Variants in SLCO1B3 observed in about 807,000 individuals in gnomAD.
SLCO1B3 encodes solute carrier organic anion transporter family member 1B3.
SLCO1B3 carries 72 observed loss-of-function variants against 71.8 expected under a neutral mutation model. The ratio of observed to expected loss-of-function variants is 1.00; its 90% confidence interval spans 0.83 to 1.22. The LOEUF (loss-of-function observed/expected upper bound fraction) is 1.22. SLCO1B3 is among the 50% of genes most tolerant of loss of function. SLCO1B3 has a pLI of 0.00. For synonymous variants in SLCO1B3, 298 were observed against 278.4 expected, an observed-to-expected ratio of 1.07 and a Z score of -0.70; for missense variants, 911 against 819.7, an observed-to-expected ratio of 1.11 and a Z score of -1.36.
At chr12:20,857,830 C>T (rs1319635369) in intron 4 of SLCO1B3, among the ~76,000 whole-genome samples, 3 of 152,064 alleles carry the variant, frequency 2.0e-5, no homozygotes, top group African/African-American at 7.2e-5. Flanking sequence ...TTGGTCTACT[C>T]TTATTGCTCT....
chr12:20,824,897 T>A (rs1326488136), intron 3 of SLCO1B3, among the ~76,000 whole-genome samples: 1 of 152,162 alleles, frequency 6.6e-6, no homozygotes, highest in East Asian at 1.9e-4. Context: ...TATGATAATA[T>A]AGGCTCATAG....
intron 15 of SLCO1B3, among the ~76,000 whole-genome samples, chr12:20,914,585 C>A (rs1866454528): frequency 6.6e-6 from 1 of 151,846 alleles, no homozygotes. Flanking sequence ...TTTTATTTAA[C>A]CTTAACTGAT....
chr12:20,856,880 A>C (rs1049170649), intron 4 of SLCO1B3, among the ~76,000 whole-genome samples: 1 of 152,158 alleles, frequency 6.6e-6, no homozygotes, highest in African/African-American at 2.4e-5. Context: ...CTTTTTACCT[A>C]AAGGACTTGA....
In SLCO1B3 at chr12:20,814,406, G is replaced by T. The variant is rs1024644459; in HGVS notation, c.-66+768G>T. Among the ~76,000 whole-genome samples the T allele has an allele frequency of 5.9e-5, 9 of 151,938 alleles. No homozygotes were observed. In the South Asian group the frequency reaches 6.2e-4, roughly 11 times the overall value. The stretch of plus-strand genomic sequence containing the variant: ...AACATTTTCTAATATGAAATAATTA[G>T]ATATAAGCTAAATAGTTAACGATAT... On this transcript the variant is annotated intron_variant, in intron 2 of 15. Coordinates refer to ENST00000381545, the MANE Select transcript of SLCO1B3 (RefSeq NM_019844.4).
At chr12:20,846,331 G>C (rs538127992) in intron 3 of SLCO1B3, among the ~76,000 whole-genome samples, 5 of 152,160 alleles carry the variant, frequency 3.3e-5, no homozygotes, top group African/African-American at 1.2e-4. Context: ...GGATAATTTT[G>C]AACATTGTTA....
At chr12:20,866,381 T>TTC (rs1865373553) in intron 8 of SLCO1B3, among the ~76,000 whole-genome samples, 1 of 152,126 alleles carries the variant, frequency 6.6e-6, no homozygotes, top group East Asian at 1.9e-4. Flanking sequence ...TTTAGTGCAA[T>TTC]AGCTTTTTAT....
At position 20,901,478 on chromosome 12, in the gene SLCO1B3, G is replaced by C; in HGVS notation, c.1865+11G>C. The C allele has an allele frequency of 7.4e-7, 1 of 1,344,386 alleles. No homozygotes were observed. Among genetic ancestry groups the C allele is most frequent in the South Asian group, 1.4e-5 (1 of 73,032 alleles). The allele number at this position is 1,344,386 out of a possible 1,614,324, so 83.3% of individuals were successfully genotyped here. A position where few individuals can be genotyped will look rare whatever the true frequency, so the allele number is the denominator to read the frequency against. Reference sequence around the variant, plus strand: ...TTCCGTATTTTTTGGGTAAGTTGTCGTAAACACATTTCATTAATAGATTTT... The same window carrying C: ...TTCCGTATTTTTTGGGTAAGTTGTCCTAAACACATTTCATTAATAGATTTT... On this transcript the variant is annotated intron_variant, in intron 15 of 15. Transcript: ENST00000381545.
chr12:20,855,943 T>C (rs1865125908), intron 4 of SLCO1B3, among the ~76,000 whole-genome samples: 1 of 152,024 alleles, frequency 6.6e-6, no homozygotes, highest in East Asian at 1.9e-4. Flanking sequence ...TTTTCTACAA[T>C]TCATGTTTCT....
chr12:20,898,400 G>T, intron 13 of SLCO1B3, 36 bp from the exon 14 acceptor site: 1 of 1,336,320 alleles, frequency 7.5e-7, no homozygotes. Flanking sequence ...ATTTTTTAAT[G>T]ACATGTATTA....
chr12:20,875,763 ATATAG>A (rs1387350851), intron 9 of SLCO1B3, among the ~76,000 whole-genome samples: 6 of 152,116 alleles, frequency 3.9e-5, no homozygotes, highest in East Asian at 3.9e-4. Context: ...TTTTAATATA[ATATAG>A]TATAAACTGT....
chr12:20,875,539 G>T, intron 9 of SLCO1B3, 62 bp downstream of exon 9: 1 of 1,501,994 alleles, frequency 6.7e-7, no homozygotes, highest in Non-Finnish European at 9.0e-7. Flanking sequence ...GGAGAAGTGA[G>T]TAAAAAAAAA....
intron 13 of SLCO1B3, among the ~76,000 whole-genome samples, chr12:20,883,835 C>A (rs1034373553): frequency 2.6e-5 from 2 of 78,374 alleles, no homozygotes; most frequent in African/African-American, 5.9e-5. Context: ...TAATAAAAAT[C>A]TTAAGGCACA....
chr12:20,912,968 C>T (rs549306099), intron 15 of SLCO1B3, among the ~76,000 whole-genome samples: 100 of 152,146 alleles, frequency 6.6e-4, no homozygotes, highest in East Asian at 4.1e-3. Context: ...TGAGCCACCA[C>T]GCCTGGCCTT....
chr12:20,827,743 T>C (rs1864455183), intron 3 of SLCO1B3, among the ~76,000 whole-genome samples: 1 of 152,110 alleles, frequency 6.6e-6, no homozygotes, highest in African/African-American at 2.4e-5. Flanking sequence ...ATCTAATTTT[T>C]GTATTTTTGT....
chr12:20,837,708 T>C (rs928189504), intron 3 of SLCO1B3, among the ~76,000 whole-genome samples: 4 of 152,124 alleles, frequency 2.6e-5, no homozygotes, highest in African/African-American at 7.2e-5. Context: ...ATAAATTGGA[T>C]AAGATATATT....
At chr12:20,849,442 A>C (rs1864979157) in intron 3 of SLCO1B3, among the ~76,000 whole-genome samples, 1 of 152,116 alleles carries the variant, frequency 6.6e-6, no homozygotes. Flanking sequence ...TTCAGCTGGC[A>C]TCATATTTGA....
chr12:20,862,346 TA>T (rs1865282994), intron 6 of SLCO1B3, 65 bp from the exon 7 acceptor site: 4 of 1,461,006 alleles, frequency 2.7e-6, no homozygotes, highest in Non-Finnish European at 3.7e-6. Context: ...GGATTTAAAG[TA>T]GTTAAATTTC....
At chr12:20,863,675 A>G (rs767771962) in intron 8 of SLCO1B3, among the ~76,000 whole-genome samples, 1 of 152,062 alleles carries the variant, frequency 6.6e-6, no homozygotes, top group Non-Finnish European at 1.5e-5. Context: ...TCTCCCATCT[A>G]TGTACACATA....
chr12:20,879,406 T>G, intron 10 of SLCO1B3, 30 bp from the exon 11 acceptor site: 1 of 1,455,390 alleles, frequency 6.9e-7, no homozygotes. Flanking sequence ...TTTGTATAAT[T>G]ATAGCTTTTT....
Sources: gnomAD v4.1 joint callset for allele counts (sites outside exome capture counted in the v4.1 genomes callset) on GRCh38, gnomAD v4.1.1 for gene constraint, MANE v1.5 for transcripts, NCBI Gene and HGNC (gene_info 2026-07-23, HGNC 2026-07-21) for gene names.